The following FMNL2 variants were observed in gnomAD, a reference collection of about 807,000 sequenced individuals.
FMNL2 encodes the protein formin like 2.
In FMNL2, 51 loss-of-function variants were observed where a neutral mutation model predicts 130.2. The observed-to-expected ratio is 0.39, with a 90% CI of 0.31 to 0.49. The LOEUF is 0.49. Ranked by LOEUF, FMNL2 falls within the 20% of genes least tolerant of loss-of-function variation. FMNL2 has a pLI of 0.85. For synonymous variants in FMNL2, 465 were observed against 467.1 expected (o/e 1.00, Z 0.06); for missense variants, 977 against 1,316.2 (o/e 0.74, Z 3.99).
intron 1 of FMNL2, among the ~76,000 whole-genome samples, chr2:152,494,241 G>T (rs774622462): frequency 2.0e-5 from 3 of 152,224 alleles, no homozygotes; most frequent in Non-Finnish European, 4.4e-5. Flanking sequence ...AGAGTGTTTT[G>T]TTGGACTAAA....
chr2:152,607,281 T>C, intron 9 of FMNL2, 58 bp from the exon 10 acceptor site: 1 of 1,402,554 alleles, frequency 7.1e-7, no homozygotes, highest in Non-Finnish European at 1.0e-6. Flanking sequence ...TTTCTGCATC[T>C]AATTTTGGAA....
At chr2:152,623,387 G>T (rs1681502960) in intron 15 of FMNL2, among the ~76,000 whole-genome samples, 1 of 152,224 alleles carries the variant, frequency 6.6e-6, no homozygotes, top group Admixed American at 6.5e-5. Flanking sequence ...ATGCTGTACG[G>T]TGAGGAATCT....
chr2:152,543,719 AC>A (rs1200138765), intron 3 of FMNL2, among the ~76,000 whole-genome samples: 5 of 52,224 alleles, frequency 9.6e-5, no homozygotes, highest in African/African-American at 3.1e-4. Flanking sequence ...CTCACCGCCC[AC>A]CCCCCGACCA....
chr2:152,492,794 T>C (rs560611570), intron 1 of FMNL2, among the ~76,000 whole-genome samples: 2 of 152,362 alleles, frequency 1.3e-5, no homozygotes, highest in African/African-American at 4.8e-5. Flanking sequence ...CTTTGCTTTA[T>C]TGAACTCCCT....
intron 25 of FMNL2, chr2:152,643,441 T>C (rs1460920938): frequency 9.1e-6 from 14 of 1,536,052 alleles, no homozygotes; most frequent in Non-Finnish European, 1.1e-5. Context: ...TGCCCTTTAC[T>C]GCTCGCACCG....
At chr2:152,550,254 G>A (rs1276714598) in intron 4 of FMNL2, among the ~76,000 whole-genome samples, 1 of 152,178 alleles carries the variant, frequency 6.6e-6, no homozygotes, top group Non-Finnish European at 1.5e-5. Flanking sequence ...TAAACTTTTA[G>A]AAACTGTAGA....
rs111333288 is a variant in FMNL2, at chr2:152,393,676, A to T, written c.117+57956A>T. Among the ~76,000 whole-genome samples the T allele has an allele frequency of 2.2e-4, 33 of 152,306 alleles. 2 individuals are homozygous for T. Among genetic ancestry groups the T allele is most frequent in the African/African-American group, 7.5e-4 (31 of 41,554 alleles). On this transcript the variant is annotated intron_variant, in intron 1 of 25. Transcript: ENST00000288670. ...ACAGGTTGTATTTTTCTTTTACTTT[A>T]AAAAAATCTCTTTTGCCTATTTATT...
At chr2:152,607,470 TACACACACAC>T (rs3080598) in intron 10 of FMNL2, 57 bp downstream of exon 10, 342 of 617,930 alleles carry the variant, frequency 5.5e-4, no homozygotes, top group African/African-American at 1.7e-3. Context: ...TTTTTCTAAA[TACACACACAC>T]ACACACACAC....
intron 9 of FMNL2, among the ~76,000 whole-genome samples, chr2:152,590,768 AAT>A (rs1697387895): frequency 2.0e-5 from 3 of 151,944 alleles, no homozygotes; most frequent in Non-Finnish European, 4.4e-5. Context: ...TTGTACATTA[AAT>A]ATATGTGTGT....
chr2:152,588,819 G>A (rs886172834), intron 9 of FMNL2, among the ~76,000 whole-genome samples: 3 of 152,204 alleles, frequency 2.0e-5, no homozygotes, highest in African/African-American at 4.8e-5. Context: ...CCTAAAGGGA[G>A]CAAATATGCT....
chr2:152,570,219 A>G (rs1696101467), intron 6 of FMNL2, among the ~76,000 whole-genome samples: 1 of 152,168 alleles, frequency 6.6e-6, no homozygotes, highest in African/African-American at 2.4e-5. Context: ...GTAATCTGTA[A>G]TCTGCTTCTT....
At chr2:152,425,636 A>G (rs1158283705) in intron 1 of FMNL2, among the ~76,000 whole-genome samples, 1 of 152,256 alleles carries the variant, frequency 6.6e-6, no homozygotes, top group Non-Finnish European at 1.5e-5. Context: ...TTAATATGCC[A>G]GAACCACTTA....
At chr2:152,565,877 T>C (rs1206752796) in intron 6 of FMNL2, among the ~76,000 whole-genome samples, 5 of 152,138 alleles carry the variant, frequency 3.3e-5, no homozygotes, top group Non-Finnish European at 7.4e-5. Context: ...CCTCCTGGGC[T>C]CAAGAAATCG....
At chr2:152,372,777 G>C (rs745331712) in intron 1 of FMNL2, among the ~76,000 whole-genome samples, 9 of 152,328 alleles carry the variant, frequency 5.9e-5, no homozygotes, top group South Asian at 2.1e-4. Context: ...TACAGCCCGT[G>C]TTCCAGTAAT....
At chr2:152,638,193 G>A (rs1682781918) in intron 23 of FMNL2, among the ~76,000 whole-genome samples, 1 of 152,194 alleles carries the variant, frequency 6.6e-6, no homozygotes, top group Admixed American at 6.5e-5. Flanking sequence ...GGATCAGTAA[G>A]TGGCCCTTCC....
intron 1 of FMNL2, among the ~76,000 whole-genome samples, chr2:152,397,132 C>T (rs943759241): frequency 1.3e-5 from 2 of 152,110 alleles, no homozygotes; most frequent in African/African-American, 4.8e-5. Context: ...GTTGCTTTAC[C>T]TAAGGATGTT....
chr2:152,443,949 T>G (rs1274389796), intron 1 of FMNL2, among the ~76,000 whole-genome samples: 2 of 152,180 alleles, frequency 1.3e-5, no homozygotes, highest in Non-Finnish European at 2.9e-5. Context: ...GTTCACAACA[T>G]GGAAGTCCGT....
At chr2:152,646,957 C>CCTGA (rs2105993844) in intron 25 of FMNL2, among the ~76,000 whole-genome samples, 1 of 152,324 alleles carries the variant, frequency 6.6e-6, no homozygotes, top group Admixed American at 6.5e-5. Context: ...CCCACTTCAT[C>CCTGA]CTGACAGAGC....
At position 152,561,589 on chromosome 2, in the gene FMNL2, T is replaced by A. The variant is rs890313010; in HGVS notation, c.596+554T>A. Among the ~76,000 whole-genome samples the A allele has an allele frequency of 3.3e-5, 4 of 120,328 alleles. No individual in the cohort carries two copies. The East Asian group carries it at 9.8e-4, about 29-fold the overall frequency. 78.9% of individuals were successfully genotyped at this position (120,328 alleles called of 152,430 possible). On this transcript the variant is annotated intron_variant, in intron 6 of 25. Transcript: ENST00000288670. ...CACTTGTCAACCTTTTTTTTTTTTT[T>A]TGAGATGGAATCTCGCTCTTGTTAT...
Sources: allele counts gnomAD v4.1 joint callset (sites outside exome capture counted in the v4.1 genomes callset), GRCh38; gene constraint gnomAD v4.1.1; transcripts MANE v1.5; gene names NCBI Gene and HGNC (gene_info 2026-07-23, HGNC 2026-07-21).